Variants in TMEM150C observed in about 807,000 individuals in gnomAD.
TMEM150C encodes the protein transmembrane protein 150C, also known as tentonin 3.
TMEM150C carries 10 observed loss-of-function variants against 29.9 expected under a neutral mutation model. The ratio of observed to expected loss-of-function variants is 0.33; its 90% CI spans 0.21 to 0.57. The LOEUF (loss-of-function observed/expected upper bound fraction) is 0.57, where lower values mean the gene tolerates loss of function less well. TMEM150C is among the 20% of genes least tolerant of loss of function. The pLI is 0.88. For missense variants in TMEM150C, 251 were observed against 303.6 expected, an observed-to-expected ratio of 0.83 and a Z score of 1.29; for synonymous variants, 101 against 112.5, an observed-to-expected ratio of 0.90 and a Z score of 0.64.
At chr4:82,487,043 A>T (rs1723185782) in intron 7 of TMEM150C, among the ~76,000 whole-genome samples, 1 of 152,180 alleles carries the variant, frequency 6.6e-6, no homozygotes, top group Non-Finnish European at 1.5e-5. Context: ...TACTTCAGCC[A>T]AACTTTGCTT....
At chr4:82,530,987 C>G (rs1578144600) in intron 1 of TMEM150C, among the ~76,000 whole-genome samples, 1 of 152,100 alleles carries the variant, frequency 6.6e-6, no homozygotes, top group South Asian at 2.1e-4. Context: ...TTAGAAACAA[C>G]CCCCATCATC....
At chr4:82,535,768 T>A (rs571632991) in intron 1 of TMEM150C, among the ~76,000 whole-genome samples, 1 of 152,288 alleles carries the variant, frequency 6.6e-6, no homozygotes, top group Non-Finnish European at 1.5e-5. Context: ...GAATATCTAA[T>A]ATGGGGAAGG....
At chr4:82,504,826 C>G (rs151318519) in intron 1 of TMEM150C, among the ~76,000 whole-genome samples, 159 bp from the exon 2 acceptor site, 507 of 152,118 alleles carry the variant, frequency 3.3e-3, no homozygotes, top group Middle Eastern at 6.8e-3. Flanking sequence ...GTCAGGAGAT[C>G]GAGACCATCC....
At chr4:82,556,094 T>G (rs1375458414) in intron 1 of TMEM150C, among the ~76,000 whole-genome samples, 1 of 152,066 alleles carries the variant, frequency 6.6e-6, no homozygotes, top group East Asian at 1.9e-4. Flanking sequence ...TAGTGTTGTT[T>G]TTTTTTTTCT....
chr4:82,543,365 C>A (rs1383540034), intron 1 of TMEM150C, among the ~76,000 whole-genome samples: 1 of 152,196 alleles, frequency 6.6e-6, no homozygotes, highest in Non-Finnish European at 1.5e-5. Flanking sequence ...CCACATTTTA[C>A]TGCTGAAAAA....
chr4:82,539,815 A>G (rs1021157690), intron 1 of TMEM150C, among the ~76,000 whole-genome samples: 3 of 152,170 alleles, frequency 2.0e-5, no homozygotes, highest in Admixed American at 2.0e-4. Context: ...CCCATAAAAT[A>G]TTGAGGACTA....
chr4:82,520,275 A>C (rs1011529293), intron 1 of TMEM150C, among the ~76,000 whole-genome samples: 3 of 152,216 alleles, frequency 2.0e-5, no homozygotes, highest in Non-Finnish European at 2.9e-5. Flanking sequence ...TGAAAGTGTG[A>C]AATTTTTTAC....
At chr4:82,529,224 T>G (rs74757803) in intron 1 of TMEM150C, among the ~76,000 whole-genome samples, 5,299 of 150,972 alleles carry the variant, frequency 0.035, 301 homozygotes, top group African/African-American at 0.12. Flanking sequence ...CACAAGAGAG[T>G]TGTTTTTTGT....
intron 1 of TMEM150C, among the ~76,000 whole-genome samples, chr4:82,561,557 G>GCCGGGA (rs1725929181): frequency 1.3e-5 from 2 of 150,762 alleles, no homozygotes; most frequent in African/African-American, 4.9e-5. Flanking sequence ...CGGGGCCGGG[G>GCCGGGA]CCGGGGCCGG....
chr4:82,524,703 G>A (rs1055706738), intron 1 of TMEM150C, among the ~76,000 whole-genome samples: 1 of 152,168 alleles, frequency 6.6e-6, no homozygotes, highest in African/African-American at 2.4e-5. Context: ...GGCATCTAGA[G>A]GAGGAGACAG....
At chr4:82,531,282 T>C (rs575314783) in intron 1 of TMEM150C, among the ~76,000 whole-genome samples, 3 of 152,210 alleles carry the variant, frequency 2.0e-5, no homozygotes, top group African/African-American at 7.2e-5. Context: ...AGGATAGAAA[T>C]ATAACCTGTA....
chr4:82,494,581 G>GA (rs1190535254), intron 6 of TMEM150C, among the ~76,000 whole-genome samples: 2 of 151,446 alleles, frequency 1.3e-5, no homozygotes, highest in Non-Finnish European at 2.9e-5. Context: ...AATTTGTTAC[G>GA]AAAAAAAAGT....
rs573704635 is a variant in TMEM150C at position 82,558,622 on chromosome 4, AG to A, written c.-11+3283del. 2.0e-5 allele frequency among the ~76,000 whole-genome samples: 3 copies of A among 152,070 alleles called. No homozygotes were observed. The South Asian group carries it at 6.2e-4, about 32-fold the overall frequency. On this transcript the variant is annotated intron_variant, in intron 1 of 7. Coordinates refer to ENST00000449862, the MANE Select transcript of TMEM150C (RefSeq NM_001080506.3). ...TTGTCTTTCAAAATCTAAACATACC[AG>A]AAAAAAAAAAAAATCTAAACATACC...
intron 1 of TMEM150C, among the ~76,000 whole-genome samples, chr4:82,505,399 GAA>G (rs1723886994): frequency 1.3e-5 from 2 of 152,114 alleles, no homozygotes; most frequent in South Asian, 4.1e-4. Context: ...ATACATTTAA[GAA>G]AAGACAAAAG....
chr4:82,528,294 C>A lies in TMEM150C; in HGVS notation c.-10-23627G>T, dbSNP rs528290214. 2.0e-5 allele frequency among the ~76,000 whole-genome samples: 3 copies of A among 152,292 alleles called. No homozygotes were observed. In the East Asian group the frequency reaches 5.8e-4, roughly 29 times the overall value. ...TCAGCAGGCATCAAAATCACCTGCA[C>A]GGGCTATTGCAACAGAAATTGCTGG... On this transcript the variant is annotated intron_variant, in intron 1 of 7. Transcript: ENST00000449862.
At position 82,507,720 on chromosome 4, in the gene TMEM150C, TCTCTCTC is replaced by T. The variant is rs796599328; in HGVS notation, c.-10-3060_-10-3054del. ...CAATATATTAAATTAACTCTCTCTC[TCTCTCTC>T]TTTTTTTTTTTTTTTTTTTTTTTTT... On this transcript the variant is annotated intron_variant, in intron 1 of 7. Transcript: ENST00000449862. Among the ~76,000 whole-genome samples the T allele has an allele frequency of 3.4e-3, 265 of 78,206 alleles. 9 individuals carry two copies. Among genetic ancestry groups the T allele is most frequent in the African/African-American group, 0.02 (239 of 12,202 alleles). The allele number at this position is 78,206 out of a possible 152,430, so 51.3% of individuals were successfully genotyped here.
chr4:82,550,968 T>A, intron 1 of TMEM150C, among the ~76,000 whole-genome samples: 1 of 152,028 alleles, frequency 6.6e-6, no homozygotes, highest in East Asian at 1.9e-4. Flanking sequence ...TATGGTTTAG[T>A]GGAGGTGAAG....
chr4:82,541,837 G>A (rs769700296), intron 1 of TMEM150C, among the ~76,000 whole-genome samples: 2 of 152,160 alleles, frequency 1.3e-5, no homozygotes, highest in East Asian at 1.9e-4. Context: ...ACATACTTAC[G>A]GTTCTCATAA....
At chr4:82,556,050 G>T (rs1725725013) in intron 1 of TMEM150C, among the ~76,000 whole-genome samples, 1 of 151,602 alleles carries the variant, frequency 6.6e-6, no homozygotes, top group African/African-American at 2.4e-5. Context: ...GCAGAGTTAG[G>T]ATTTGAACCT....
Sources: gnomAD v4.1 joint callset for allele counts (sites outside exome capture counted in the v4.1 genomes callset) on GRCh38, gnomAD v4.1.1 for gene constraint, MANE v1.5 for transcripts, NCBI Gene and HGNC (gene_info 2026-07-23, HGNC 2026-07-21) for gene names.